SH3BP5: variants seen among roughly 807,000 people sequenced by gnomAD.
The protein encoded by SH3BP5 is SH3 domain-binding protein 5.
In SH3BP5, 22 loss-of-function variants were observed where a neutral mutation model predicts 43.3. The ratio of observed to expected loss-of-function variants is 0.51; its 90% CI spans 0.36 to 0.73. The LOEUF is 0.73. SH3BP5 is among the 30% of genes least tolerant of loss of function. The probability of loss-of-function intolerance (pLI) is 0.00; values close to 1 mark genes in which losing one functional copy is unlikely to be tolerated. For missense variants in SH3BP5, 529 were observed against 586.9 expected (o/e 0.90, Z 1.02); for synonymous variants, 255 against 225.8 (o/e 1.13, Z -1.16).
chr3:15,317,575 T>A (rs1054468168), intron 2 of SH3BP5, among the ~76,000 whole-genome samples: 1 of 152,164 alleles, frequency 6.6e-6, no homozygotes, highest in African/African-American at 2.4e-5. Flanking sequence ...CATTATAACT[T>A]ATCAGGGGCT....
At chr3:15,317,588 T>C (rs188867280) in intron 2 of SH3BP5, among the ~76,000 whole-genome samples, 240 of 152,244 alleles carry the variant, frequency 1.6e-3, no homozygotes, top group South Asian at 0.012. Flanking sequence ...CAGGGGCTCT[T>C]TTAAAAAAGC....
chr3:15,279,158 G>A (rs140049082), intron 3 of SH3BP5, among the ~76,000 whole-genome samples: 31 of 152,108 alleles, frequency 2.0e-4, no homozygotes, highest in Admixed American at 6.6e-5. Context: ...CAACAAGAGC[G>A]AAACTCTGTC....
intron 2 of SH3BP5, 132 bp from the exon 3 acceptor site, chr3:15,304,363 AAGACAGTGTCT>A (rs1384165328): frequency 5.1e-6 from 7 of 1,373,378 alleles, no homozygotes; most frequent in Non-Finnish European, 7.1e-6. Context: ...GCACCTTTAC[AAGACAGTGTCT>A]AGAGCAGCAC....
intron 2 of SH3BP5, among the ~76,000 whole-genome samples, chr3:15,320,721 G>A (rs916023021): frequency 1.3e-5 from 2 of 151,492 alleles, no homozygotes; most frequent in African/African-American, 4.9e-5. Context: ...AGTCCACAGG[G>A]ACCACATCTC....
At chr3:15,339,402 T>C (rs1054396139) in intron 1 of SH3BP5, among the ~76,000 whole-genome samples, 1 of 151,974 alleles carries the variant, frequency 6.6e-6, no homozygotes, top group Non-Finnish European at 1.5e-5. Flanking sequence ...ATCCTGGAGA[T>C]GGAAAAAGTG....
At chr3:15,267,591 A>T (rs1244818201) in intron 4 of SH3BP5, among the ~76,000 whole-genome samples, 1 of 152,224 alleles carries the variant, frequency 6.6e-6, no homozygotes, top group Non-Finnish European at 1.5e-5. Context: ...GGCCACAGAG[A>T]AGGCACATAT....
rs768845465 is a variant in SH3BP5 at position 15,258,897 on chromosome 3, C to T, written c.823G>A (p.Ala275Thr). ...AMGPRGCGVG[A>T]EGSSTSVEDL... Reference sequence around the variant, plus strand: ...TCCACAGATGTGCTGCTGCCCTCAGCACCAACACCGCATCCCCGAGGCCCC... The same window carrying T: ...TCCACAGATGTGCTGCTGCCCTCAGTACCAACACCGCATCCCCGAGGCCCC... The change falls in exon 7 of 9, where the codon GCT becomes ACT. Residue 275 changes from alanine to threonine, a missense_variant. Transcript: ENST00000383791. 38 of 1,614,130 alleles carry T rather than the reference C, an allele frequency of 2.4e-5. No individual in the cohort carries two copies. The highest frequency in any genetic ancestry group is 3.1e-5 in the Non-Finnish European group (36 of 1,180,052).
chr3:15,284,957 A>T lies in SH3BP5; in HGVS notation c.331-15080T>A, dbSNP rs896507083. On this transcript the variant is annotated intron_variant, in intron 3 of 8. Coordinates refer to ENST00000383791, the MANE Select transcript of SH3BP5 (RefSeq NM_004844.5). ...ACCTTTGGAGTTAAGATGCTACAGC[A>T]AAAAAGTCTGGCAACCCACAGCCCT... 9.2e-5 allele frequency among the ~76,000 whole-genome samples: 14 copies of T among 152,216 alleles called. 1 individual carries two copies. Among genetic ancestry groups the T allele is most frequent in the Admixed American group, 7.9e-4 (12 of 15,280 alleles).
chr3:15,329,248 G>A (rs1196691342), intron 2 of SH3BP5, among the ~76,000 whole-genome samples: 2 of 152,184 alleles, frequency 1.3e-5, no homozygotes, highest in Non-Finnish European at 2.9e-5. Flanking sequence ...AGGATGGAAT[G>A]AGCTAAAACG....
At chr3:15,257,245 A>G in intron 7 of SH3BP5, 132 bp from the exon 8 acceptor site, 1 of 924,128 alleles carries the variant, frequency 1.1e-6, no homozygotes. Context: ...TGCCTAATGA[A>G]GGAATGTGAC....
chr3:15,324,959 G>C (rs1020905982), intron 2 of SH3BP5, among the ~76,000 whole-genome samples: 8 of 151,830 alleles, frequency 5.3e-5, no homozygotes, highest in African/African-American at 1.9e-4. Context: ...GAGGAACACA[G>C]ATACTCAGAA....
intron 1 of SH3BP5, among the ~76,000 whole-genome samples, chr3:15,338,633 G>C (rs1192268387): frequency 1.3e-5 from 2 of 152,064 alleles, no homozygotes; most frequent in Non-Finnish European, 2.9e-5. Flanking sequence ...TAACATGAAG[G>C]AGGCTTGCAG....
intron 4 of SH3BP5, among the ~76,000 whole-genome samples, chr3:15,264,104 T>G (rs971856431): frequency 2.6e-5 from 4 of 152,216 alleles, no homozygotes; most frequent in Non-Finnish European, 4.4e-5. Flanking sequence ...AGTTTACTTA[T>G]TACTTACGAT....
chr3:15,306,153 G>A (rs995911708), intron 2 of SH3BP5, among the ~76,000 whole-genome samples: 3 of 151,978 alleles, frequency 2.0e-5, no homozygotes, highest in South Asian at 2.1e-4. Flanking sequence ...TCAGGAGATC[G>A]AGACCATCCT....
chr3:15,324,910 G>A (rs1698423244), intron 2 of SH3BP5, among the ~76,000 whole-genome samples: 1 of 151,686 alleles, frequency 6.6e-6, no homozygotes, highest in African/African-American at 2.4e-5. Context: ...TTCAGAGGGA[G>A]GAAAGGCAGA....
chr3:15,299,352 A>T (rs6767579), intron 3 of SH3BP5, among the ~76,000 whole-genome samples: 15,546 of 152,166 alleles, frequency 0.1, 2,468 homozygotes, highest in African/African-American at 0.34. Context: ...CTTGGCAGAA[A>T]TTGGACTTGG....
chr3:15,313,129 C>T (rs578058898), intron 2 of SH3BP5, among the ~76,000 whole-genome samples: 1 of 152,284 alleles, frequency 6.6e-6, no homozygotes, highest in South Asian at 2.1e-4. Context: ...GGCATGGTAG[C>T]AGGCACCTGT....
intron 3 of SH3BP5, among the ~76,000 whole-genome samples, chr3:15,297,409 T>TA (rs1212070937): frequency 2.0e-5 from 3 of 152,200 alleles, no homozygotes; most frequent in Non-Finnish European, 4.4e-5. Flanking sequence ...ATCTTTTTTT[T>TA]ATTACAAGGC....
chr3:15,304,008 T>A, intron 3 of SH3BP5, 95 bp downstream of exon 3: 2 of 1,037,002 alleles, frequency 1.9e-6, no homozygotes, highest in Admixed American at 3.6e-5. Flanking sequence ...GGACTCGAGC[T>A]TCTAACCTTC....
Sources: allele counts gnomAD v4.1 joint callset (sites outside exome capture counted in the v4.1 genomes callset), GRCh38; gene constraint gnomAD v4.1.1; transcripts MANE v1.5; gene names NCBI Gene and HGNC (gene_info 2026-07-23, HGNC 2026-07-21).